The following IL34 variants were observed in gnomAD, a reference collection of about 807,000 sequenced individuals.
IL34 encodes interleukin 34, also known as interleukin-34.
IL34 carries 17 observed loss-of-function variants against 25.3 expected under a neutral mutation model. The observed-to-expected ratio is 0.67, with a 90% CI of 0.46 to 1.01. The LOEUF (loss-of-function observed/expected upper bound fraction) is 1.01, where lower values mean the gene tolerates loss of function less well. Ranked by LOEUF, IL34 falls within the 50% of genes least tolerant of loss-of-function variation. The probability of loss-of-function intolerance (pLI) is 0.00; values close to 1 mark genes in which losing one functional copy is unlikely to be tolerated. For missense variants in IL34, 368 were observed against 312.9 expected (o/e 1.18, Z -1.33); for synonymous variants, 174 against 140.9 (o/e 1.23, Z -1.66).
chr16:70,657,361 G>A (rs1033105871), intron 4 of IL34: 1 of 502,510 alleles, frequency 2.0e-6, no homozygotes, highest in South Asian at 2.7e-5. Flanking sequence ...CTGAGACTCT[G>A]TTCTAGGCTC....
At chr16:70,654,824 C>A (rs939142641) in intron 2 of IL34, among the ~76,000 whole-genome samples, 153 bp downstream of exon 2, 11 of 152,172 alleles carry the variant, frequency 7.2e-5, no homozygotes, top group Admixed American at 6.5e-4. Context: ...CCTACCCATG[C>A]ACCTGGTCTG....
chr16:70,656,571 G>A, intron 2 of IL34, 31 bp from the exon 3 acceptor site: 2 of 948,122 alleles, frequency 2.1e-6, no homozygotes, highest in Non-Finnish European at 3.5e-6. Context: ...TTCTACTTCT[G>A]GCCTCATAGT....
chr16:70,615,590 G>A (rs920580251), intron 1 of IL34, among the ~76,000 whole-genome samples: 1 of 152,176 alleles, frequency 6.6e-6, no homozygotes, highest in African/African-American at 2.4e-5. Flanking sequence ...ACGCTTTAGT[G>A]TGAATTATTC....
intron 1 of IL34, among the ~76,000 whole-genome samples, chr16:70,629,579 C>T (rs751984104): frequency 5.9e-5 from 9 of 152,086 alleles, no homozygotes; most frequent in East Asian, 3.9e-4. Context: ...CTTATAATAA[C>T]GAATACAATG....
At chr16:70,629,820 G>T (rs1031972329) in intron 1 of IL34, among the ~76,000 whole-genome samples, 3 of 151,598 alleles carry the variant, frequency 2.0e-5, no homozygotes, top group Non-Finnish European at 4.4e-5. Flanking sequence ...GTGTACATGG[G>T]GTCTCCATTT....
At chr16:70,639,674 T>A (rs6499329) in intron 1 of IL34, among the ~76,000 whole-genome samples, 12 of 151,994 alleles carry the variant, frequency 7.9e-5, no homozygotes, top group Non-Finnish European at 1.3e-4. Flanking sequence ...GACAGAGGAG[T>A]CCAGGCGTGG....
rs543072211 is a variant in IL34 at position 70,620,405 on chromosome 16, G to T, written c.-400-26143G>T. On this transcript the variant is annotated intron_variant, in intron 1 of 6. Coordinates refer to the IL34 transcript ENST00000429149. The stretch of plus-strand genomic sequence containing the variant: ...GGGCAGGTGGGGGAGGGCTAGTCAC[G>T]CAACGAAACTGTAAGCCCCACCAGG... Among the ~76,000 whole-genome samples the T allele has an allele frequency of 7.9e-3, 1,189 of 151,214 alleles. 14 individuals carry two copies. Among genetic ancestry groups the T allele is most frequent in the African/African-American group, 0.027 (1,092 of 40,602 alleles).
chr16:70,654,583 A>G lies in IL34; in HGVS notation c.74A>G (p.Glu25Gly). 1.2e-6 allele frequency: 2 copies of G among 1,613,424 alleles called. No homozygotes were observed. The highest frequency in any genetic ancestry group is 1.1e-5 in the South Asian group (1 of 90,986). ...GTGGCCTTGGGGAATGAGCCTTTGG[A>G]GATGTGGCCCTTGACGCAGAATGAG... Reference protein sequence around the residue: ...LGVALGNEPLEMWPLTQNEEC... With the variant: ...LGVALGNEPLGMWPLTQNEEC... The change falls in exon 2 of 6, where the codon GAG (glutamate) becomes GGG (glycine). Residue 25 changes from glutamate to glycine, a missense_variant. Transcript: ENST00000288098.
intron 1 of IL34, among the ~76,000 whole-genome samples, chr16:70,652,858 C>T (rs1376700892): frequency 6.6e-6 from 1 of 152,182 alleles, no homozygotes; most frequent in African/African-American, 2.4e-5. Context: ...TCCAGGACAG[C>T]ACTTGTCTCA....
chr16:70,655,536 C>T (rs1404000543), intron 2 of IL34, among the ~76,000 whole-genome samples: 2 of 151,518 alleles, frequency 1.3e-5, no homozygotes, highest in Non-Finnish European at 2.9e-5. Context: ...TACAGGCATG[C>T]ACCACCATGC....
chr16:70,647,649 G>A (rs2051973498), intron 1 of IL34, among the ~76,000 whole-genome samples: 1 of 152,188 alleles, frequency 6.6e-6, no homozygotes, highest in Non-Finnish European at 1.5e-5. Context: ...CCACTGCAGA[G>A]TCACTGCCAT....
At chr16:70,635,557 C>G (rs989435825) in intron 1 of IL34, among the ~76,000 whole-genome samples, 1 of 152,168 alleles carries the variant, frequency 6.6e-6, no homozygotes, top group Non-Finnish European at 1.5e-5. Context: ...AAGCTGGAGT[C>G]CTTCAGCAGA....
At chr16:70,658,154 C>T (rs1551530) in intron 4 of IL34, among the ~76,000 whole-genome samples, 2 of 151,856 alleles carry the variant, frequency 1.3e-5, no homozygotes, top group East Asian at 1.9e-4. Flanking sequence ...CCCAGCTTGT[C>T]GGGAGAACAT....
chr16:70,654,137 T>C (rs1166545478), intron 1 of IL34: 1 of 160,092 alleles, frequency 6.2e-6, no homozygotes, highest in Non-Finnish European at 1.4e-5. Context: ...GATGATTCGA[T>C]CTCCTGAATG....
chr16:70,637,951 T>TTTTTG lies in IL34; in HGVS notation c.-400-8577_-400-8573dup, dbSNP rs1296820154. 2.6e-5 allele frequency among the ~76,000 whole-genome samples: 4 copies of TTTTTG among 152,304 alleles called. No individual in the cohort carries two copies. The South Asian group carries it at 6.2e-4, about 24-fold the overall frequency. The stretch of plus-strand genomic sequence containing the variant: ...TTGACATTTAGGTGGTTTCCAGGTT[T>TTTTTG]TTTTGTTTTGTTTTGTTTTGTTTTT... On this transcript the variant is annotated intron_variant, in intron 1 of 6. Transcript: ENST00000429149.
intron 1 of IL34, among the ~76,000 whole-genome samples, chr16:70,582,243 G>A (rs2050643648): frequency 1.3e-5 from 2 of 152,246 alleles, no homozygotes; most frequent in Admixed American, 1.3e-4. Flanking sequence ...CCCTCTGGGG[G>A]ACCCCCAAGC....
At chr16:70,654,805 T>C in intron 2 of IL34, 134 bp downstream of exon 2, 2 of 1,188,032 alleles carry the variant, frequency 1.7e-6, no homozygotes, top group Non-Finnish European at 2.3e-6. Context: ...TCTCTGCCTT[T>C]CTCCGAAACC....
intron 1 of IL34, among the ~76,000 whole-genome samples, chr16:70,620,950 G>A (rs1369972165): frequency 6.6e-6 from 1 of 152,144 alleles, no homozygotes; most frequent in Non-Finnish European, 1.5e-5. Flanking sequence ...CCAGAGAAAA[G>A]AGTAGAGACA....
intron 1 of IL34, among the ~76,000 whole-genome samples, chr16:70,603,917 G>C (rs1416914019): frequency 6.6e-6 from 1 of 152,098 alleles, no homozygotes; most frequent in Non-Finnish European, 1.5e-5. Context: ...CCATCGTATG[G>C]ACATACCACA....
Sources: gnomAD v4.1 joint callset for allele counts (sites outside exome capture counted in the v4.1 genomes callset) on GRCh38, gnomAD v4.1.1 for gene constraint, MANE v1.5 for transcripts, NCBI Gene and HGNC (gene_info 2026-07-23, HGNC 2026-07-21) for gene names.